POLN: variants seen among roughly 807,000 people sequenced by gnomAD.
POLN encodes DNA polymerase nu.
Under a neutral mutation model 113.5 loss-of-function variants are expected in POLN, and 108 were observed. The observed-to-expected ratio is 0.95, with a 90% CI of 0.81 to 1.12. The LOEUF (loss-of-function observed/expected upper bound fraction) is 1.12. POLN is among the 50% of genes most tolerant of loss of function. POLN has a pLI of 0.00. For missense variants in POLN, 1,097 were observed against 1,077.1 expected (o/e 1.02, Z -0.26); for synonymous variants, 386 against 391.5 (o/e 0.99, Z 0.17).
At chr4:2,106,784 C>A (rs1313986005) in intron 19 of POLN, among the ~76,000 whole-genome samples, 2 of 152,060 alleles carry the variant, frequency 1.3e-5, no homozygotes, top group African/African-American at 4.8e-5. Context: ...TGTGTTTTAG[C>A]AACTGTGACT....
chr4:2,087,157 CCTT>C (rs1473522818), intron 20 of POLN, among the ~76,000 whole-genome samples: 1 of 152,232 alleles, frequency 6.6e-6, no homozygotes, highest in Non-Finnish European at 1.5e-5. Flanking sequence ...AAGTCATAGT[CCTT>C]CTATGCCCAG....
chr4:2,097,432 C>A (rs1481959162), intron 19 of POLN, among the ~76,000 whole-genome samples: 3 of 150,986 alleles, frequency 2.0e-5, no homozygotes, highest in African/African-American at 7.3e-5. Context: ...CTCACTGCAA[C>A]CTCTGCCTTT....
chr4:2,195,255 T>C (rs1419899228), intron 6 of POLN, among the ~76,000 whole-genome samples: 1 of 152,182 alleles, frequency 6.6e-6, no homozygotes, highest in East Asian at 1.9e-4. Flanking sequence ...CTAGAACTTA[T>C]AAAAATTAAG....
intron 20 of POLN, among the ~76,000 whole-genome samples, chr4:2,091,801 G>GCGCA (rs1553893103): frequency 7.5e-5 from 7 of 93,526 alleles, no homozygotes; most frequent in Admixed American, 6.5e-4. Context: ...GTGTGTGTGT[G>GCGCA]CGCGCGCTAC....
chr4:2,201,571 G>C (rs2022340), intron 5 of POLN, among the ~76,000 whole-genome samples: 1 of 151,994 alleles, frequency 6.6e-6, no homozygotes, highest in Non-Finnish European at 1.5e-5. Context: ...CCAAACCTAA[G>C]AATAATTGGC....
chr4:2,228,071 G>A (rs1213457841), intron 3 of POLN: 2 of 152,574 alleles, frequency 1.3e-5, no homozygotes, highest in East Asian at 3.8e-4. Flanking sequence ...TAATCAAGAT[G>A]TGTTTATAAG....
chr4:2,169,240 A>G (rs1732802321), intron 13 of POLN, among the ~76,000 whole-genome samples: 1 of 152,232 alleles, frequency 6.6e-6, no homozygotes, highest in Non-Finnish European at 1.5e-5. Context: ...GCTAAGTGCA[A>G]TAGAAGCTAC....
intron 2 of POLN, chr4:2,232,217 A>G (rs1443310205): frequency 5.2e-6 from 4 of 762,114 alleles, no homozygotes; most frequent in Non-Finnish European, 8.1e-6. Context: ...TACCAATTAT[A>G]AAATTAAAAT....
intron 19 of POLN, among the ~76,000 whole-genome samples, chr4:2,106,350 T>C (rs1487139970): frequency 1.3e-5 from 2 of 152,240 alleles, no homozygotes; most frequent in Non-Finnish European, 2.9e-5. Flanking sequence ...TCTGTTACCA[T>C]AAAATTGCCT....
At chr4:2,131,683 T>G (rs1434325898) in intron 16 of POLN, among the ~76,000 whole-genome samples, 1 of 152,240 alleles carries the variant, frequency 6.6e-6, no homozygotes, top group African/African-American at 2.4e-5. Context: ...ATGAAAATTC[T>G]GGTCTCTTTG....
intron 19 of POLN, among the ~76,000 whole-genome samples, chr4:2,098,338 G>C (rs988587190): frequency 6.6e-6 from 1 of 152,196 alleles, no homozygotes; most frequent in African/African-American, 2.4e-5. Context: ...AGGACTGCTT[G>C]AGCCTGGGAG....
At chr4:2,159,065 C>T (rs1011960535) in intron 14 of POLN, 90 bp downstream of exon 14, 19 of 996,528 alleles carry the variant, frequency 1.9e-5, no homozygotes, top group Non-Finnish European at 2.9e-5. Context: ...AGGGCTACTT[C>T]AGCCATTATG....
At chr4:2,210,738 T>C (rs926702067) in intron 4 of POLN, among the ~76,000 whole-genome samples, 20 of 148,918 alleles carry the variant, frequency 1.3e-4, no homozygotes, top group African/African-American at 4.7e-4. Flanking sequence ...CTGGCCAATA[T>C]GGTGAAAACC....
chr4:2,078,487 T>G (rs2108687916), intron 23 of POLN: 1 of 759,160 alleles, frequency 1.3e-6, no homozygotes, highest in East Asian at 1.3e-4. Flanking sequence ...TTTTTTTTTT[T>G]TGTTAGACAG....
chr4:2,240,723 G>A lies in POLN; in HGVS notation c.-13+797C>T, dbSNP rs148212034. The A allele has an allele frequency of 2.3e-4, 364 of 1,613,810 alleles. 3 individuals are homozygous for A. In the Middle Eastern group the frequency reaches 9.4e-3, roughly 42 times the overall value. On this transcript the variant is annotated intron_variant, in intron 2 of 25. Transcript: ENST00000511885. Reference sequence around the variant, plus strand: ...CGTTTTAAGAGCTTCATCCAATGCCGCCCCTTCTAGAATAGGCTTGCCTGA... The same window carrying A: ...CGTTTTAAGAGCTTCATCCAATGCCACCCCTTCTAGAATAGGCTTGCCTGA...
intron 20 of POLN, among the ~76,000 whole-genome samples, chr4:2,092,016 A>C (rs1730679109): frequency 6.6e-6 from 1 of 151,422 alleles, no homozygotes; most frequent in Non-Finnish European, 1.5e-5. Flanking sequence ...TGCTTTCAAA[A>C]CTCAGCTCGG....
intron 20 of POLN, among the ~76,000 whole-genome samples, chr4:2,094,057 CAG>C (rs981346814): frequency 1.3e-5 from 2 of 152,100 alleles, no homozygotes; most frequent in African/African-American, 4.8e-5. Flanking sequence ...CAGCAAGAAA[CAG>C]AAGCCAGCCA....
rs1452686055 is a variant in POLN, at chr4:2,228,992, G to A, written c.133+107C>T. ...CACTGAATGAGTGTAAAAGGGGCGG[G>A]AGCTGGGCTTCATCTGTCTACATGC... On this transcript the variant is annotated intron_variant, in intron 3 of 25. Coordinates refer to ENST00000511885, the MANE Select transcript of POLN (RefSeq NM_181808.4). The A allele has an allele frequency of 3.6e-6, 4 of 1,115,448 alleles. No individual in the cohort carries two copies. The Admixed American group carries it at 1.0e-4, about 28-fold the overall frequency. 69.1% of individuals were successfully genotyped at this position (1,115,448 alleles called of 1,614,324 possible). A position where few individuals can be genotyped will look rare whatever the true frequency, so the allele number is the denominator to read the frequency against.
At chr4:2,199,045 A>T (rs935175010) in intron 5 of POLN, among the ~76,000 whole-genome samples, 5 of 152,168 alleles carry the variant, frequency 3.3e-5, no homozygotes, top group Admixed American at 1.3e-4. Flanking sequence ...ATCTAAAGGA[A>T]CCTATAAAAA....
Sources: gnomAD v4.1 joint callset for allele counts (sites outside exome capture counted in the v4.1 genomes callset) on GRCh38, gnomAD v4.1.1 for gene constraint, MANE v1.5 for transcripts, NCBI Gene and HGNC (gene_info 2026-07-23, HGNC 2026-07-21) for gene names.